Variants in CABLES1 observed in about 807,000 individuals in gnomAD.
CABLES1 encodes Cdk5 and Abl enzyme substrate 1, also known as CDK5 and ABL1 enzyme substrate 1.
In CABLES1, 36 loss-of-function variants were observed where a neutral mutation model predicts 57.8. That is an observed-to-expected ratio of 0.62 (90% confidence interval 0.48 to 0.82). CABLES1 has a LOEUF of 0.82. CABLES1 is among the 40% of genes least tolerant of loss of function. The pLI, the probability that CABLES1 is intolerant of heterozygous loss-of-function variation, is 0.00. For missense variants in CABLES1, 767 were observed against 836.6 expected, an observed-to-expected ratio of 0.92 and a Z score of 1.03; for synonymous variants, 374 against 363.0, an observed-to-expected ratio of 1.03 and a Z score of -0.35.
Position 23,210,789 on chromosome 18 carries a change from G to A in CABLES1, c.1011-3188G>A, listed in dbSNP as rs1166863096. On this transcript the variant is annotated intron_variant, in intron 3 of 9. Transcript: ENST00000256925. ...TTCTTGGAAGCTCCATTGGCAAACC[G>A]TCTGCAGAGCCTCTGTGCGGGTCTC... 2.0e-5 allele frequency among the ~76,000 whole-genome samples: 3 copies of A among 152,126 alleles called. 1 individual carries two copies. Among genetic ancestry groups the A allele is most frequent in the South Asian group, 4.1e-4 (2 of 4,820 alleles).
At chr18:23,218,734 A>G (rs1488573034) in intron 4 of CABLES1, among the ~76,000 whole-genome samples, 1 of 152,118 alleles carries the variant, frequency 6.6e-6, no homozygotes, top group Non-Finnish European at 1.5e-5. Context: ...TTGAACACTG[A>G]TTGTGGATTC....
chr18:23,135,983 T>G lies in CABLES1; in HGVS notation c.221T>G (p.Leu74Arg). 4 of 1,138,272 alleles carry G rather than the reference T, an allele frequency of 3.5e-6. No homozygotes were observed. The highest frequency in any genetic ancestry group is 4.3e-6 in the Non-Finnish European group (4 of 928,110). 70.5% of individuals were successfully genotyped at this position (1,138,272 alleles called of 1,614,324 possible). ...AALSFLTNISLDGRLPPQDAE... is the reference protein window; with the variant it reads ...AALSFLTNISRDGRLPPQDAE... ...CTCTCCTTCCTCACCAACATCTCGC[T>G]GGACGGCCGGCTGCCGCCGCAGGAC... is the stretch of plus-strand genomic sequence containing the variant. The change falls in exon 1 of 10, where the codon CTG (leucine) becomes CGG (arginine). Residue 74 changes from leucine (L) to arginine (R), a missense_variant. Physicochemically the swap from Leu to Arg is moderately radical, Grantham distance 102 (BLOSUM62 -2). Transcript: ENST00000256925.
intron 1 of CABLES1, among the ~76,000 whole-genome samples, chr18:23,140,956 T>G (rs188583942): frequency 6.6e-6 from 1 of 152,342 alleles, no homozygotes; most frequent in African/African-American, 2.4e-5. Flanking sequence ...TAGTGTAAAA[T>G]GCACTTACAT....
intron 1 of CABLES1, among the ~76,000 whole-genome samples, chr18:23,167,974 C>G (rs1013554921): frequency 3.3e-5 from 5 of 152,254 alleles, no homozygotes; most frequent in African/African-American, 7.2e-5. Flanking sequence ...GAGCTGACGG[C>G]TCTCAAGGTG....
At chr18:23,175,943 A>G (rs1478331976) in intron 1 of CABLES1, among the ~76,000 whole-genome samples, 1 of 152,102 alleles carries the variant, frequency 6.6e-6, no homozygotes, top group Non-Finnish European at 1.5e-5. Context: ...AATAAATGTA[A>G]AAAAAAAGAA....
chr18:23,208,781 G>T (rs1381123588), intron 3 of CABLES1, among the ~76,000 whole-genome samples: 1 of 152,176 alleles, frequency 6.6e-6, no homozygotes, highest in Non-Finnish European at 1.5e-5. Flanking sequence ...AAGCGCGGGG[G>T]CCATGTTCCC....
At chr18:23,181,180 C>CATGT (rs2047162801) in intron 1 of CABLES1, among the ~76,000 whole-genome samples, 2 of 152,088 alleles carry the variant, frequency 1.3e-5, no homozygotes, top group Non-Finnish European at 2.9e-5. Flanking sequence ...ACTGGGAATG[C>CATGT]ATGTATTAAA....
chr18:23,188,578 G>A (rs1281134614), intron 1 of CABLES1, among the ~76,000 whole-genome samples: 1 of 125,216 alleles, frequency 8.0e-6, no homozygotes, highest in African/African-American at 3.4e-5. Context: ...CTTGGGGGAA[G>A]TGTCAGCATC....
intron 1 of CABLES1, among the ~76,000 whole-genome samples, chr18:23,140,876 C>T (rs1421139801): frequency 6.6e-6 from 1 of 152,162 alleles, no homozygotes; most frequent in African/African-American, 2.4e-5. Flanking sequence ...GCCGTTTGAC[C>T]CCGGTGGGTT....
chr18:23,189,287 C>G, intron 2 of CABLES1: 1 of 186,278 alleles, frequency 5.4e-6, no homozygotes, highest in Non-Finnish European at 1.1e-5. Flanking sequence ...GCAACAAGAA[C>G]TCCTCAGGAG....
chr18:23,204,432 C>CT (rs1448684508), intron 3 of CABLES1: 1 of 152,212 alleles, frequency 6.6e-6, no homozygotes, highest in Non-Finnish European at 1.5e-5. Flanking sequence ...CCTGTGGGTG[C>CT]TTGTTGCTGC....
intron 2 of CABLES1, 83 bp from the exon 3 acceptor site, chr18:23,194,365 C>G: frequency 3.6e-6 from 3 of 823,460 alleles, no homozygotes; most frequent in Non-Finnish European, 6.2e-6. Flanking sequence ...TTTGTCTGGT[C>G]CTTCCTTCCT....
chr18:23,208,163 C>T (rs548631140), intron 3 of CABLES1, among the ~76,000 whole-genome samples: 11 of 152,286 alleles, frequency 7.2e-5, no homozygotes, highest in South Asian at 2.1e-4. Flanking sequence ...TTCCCAGCTC[C>T]GGCCCTGGAT....
At chr18:23,230,282 G>A (rs2047557843) in intron 4 of CABLES1, among the ~76,000 whole-genome samples, 1 of 152,344 alleles carries the variant, frequency 6.6e-6, no homozygotes, top group Admixed American at 6.5e-5. Flanking sequence ...TGAGGCAGGA[G>A]AATGGCATGA....
At chr18:23,195,926 A>C (rs1339695435) in intron 3 of CABLES1, among the ~76,000 whole-genome samples, 2 of 152,196 alleles carry the variant, frequency 1.3e-5, no homozygotes, top group Non-Finnish European at 2.9e-5. Flanking sequence ...TGATCTCTTT[A>C]ACCGTAACAT....
chr18:23,151,151 T>TG (rs1291391431), intron 1 of CABLES1, among the ~76,000 whole-genome samples: 1 of 151,740 alleles, frequency 6.6e-6, no homozygotes, highest in African/African-American at 2.4e-5. Context: ...CCCGAGTAGC[T>TG]GGGACTACAG....
chr18:23,248,389 GAAGA>G (rs1046603744), intron 7 of CABLES1, among the ~76,000 whole-genome samples: 12 of 152,058 alleles, frequency 7.9e-5, no homozygotes, highest in African/African-American at 2.7e-4. Flanking sequence ...GCAAGTTTAA[GAAGA>G]AAGAGGAGCC....
intron 7 of CABLES1, among the ~76,000 whole-genome samples, chr18:23,247,446 C>T (rs1462285452): frequency 6.6e-6 from 1 of 152,238 alleles, no homozygotes; most frequent in Admixed American, 6.5e-5. Flanking sequence ...TGCTGGGCCC[C>T]TTCCAAGCCA....
At chr18:23,202,209 G>A (rs2047330513) in intron 3 of CABLES1, among the ~76,000 whole-genome samples, 2 of 152,228 alleles carry the variant, frequency 1.3e-5, no homozygotes, top group African/African-American at 4.8e-5. Flanking sequence ...CCAAAAGTCA[G>A]GGGTGGGCAT....
Sources: allele counts gnomAD v4.1 joint callset (sites outside exome capture counted in the v4.1 genomes callset), GRCh38; gene constraint gnomAD v4.1.1; transcripts MANE v1.5; gene names NCBI Gene and HGNC (gene_info 2026-07-23, HGNC 2026-07-21).